ZNF311: variants seen among roughly 807,000 people sequenced by gnomAD.
ZNF311 encodes the protein zinc finger protein 311.
Under a neutral mutation model 22.7 loss-of-function variants are expected in ZNF311, and 14 were observed. The ratio of observed to expected loss-of-function variants is 0.62; its 90% confidence interval spans 0.41 to 0.96. The LOEUF (loss-of-function observed/expected upper bound fraction) is 0.96. ZNF311 is among the 40% of genes least tolerant of loss of function. ZNF311 has a pLI of 0.00. For synonymous variants in ZNF311, 250 were observed against 275.3 expected (o/e 0.91, Z 0.91); for missense variants, 731 against 799.0 (o/e 0.91, Z 1.03).
In ZNF311 at chr6:28,995,579, C is replaced by G. The variant is rs1779388030; in HGVS notation, c.1423G>C (p.Glu475Gln). ...HTEEKRYRCEECGKAFRHNCK... is the reference protein window; with the variant it reads ...HTEEKRYRCEQCGKAFRHNCK... ...TTATGACGAAAGGCTTTCCCACACT[C>G]CTCACACCTGTAACGTTTCTCTTCA... The change falls in exon 7 of 7, where the codon GAG becomes CAG. Residue 475 changes from glutamate to glutamine, a missense_variant. Glu to Gln is a conservative substitution (Grantham distance 29). Transcript: ENST00000377179. This position sits in a 1 kb window ranked among gnomAD's most constrained non-coding sequence, Gnocchi z 4.7. The G allele has an allele frequency of 6.2e-7, 1 of 1,613,748 alleles. No homozygotes were observed. Among genetic ancestry groups the G allele is most frequent in the African/African-American group, 1.3e-5 (1 of 75,052 alleles).
intron 3 of ZNF311, among the ~76,000 whole-genome samples, chr6:29,003,121 A>G (rs1404196188): frequency 6.6e-6 from 1 of 152,246 alleles, no homozygotes; most frequent in Non-Finnish European, 1.5e-5. Context: ...TTCAAATTTT[A>G]CATGTTGGCA....
rs1780749285 is a variant in ZNF311 at position 29,003,552 on chromosome 6, G to A, written c.52C>T (p.Leu18Phe). The change falls in exon 3 of 7, where the codon CTT becomes TTT. Residue 18 changes from leucine to phenylalanine, a missense_variant. Leu to Phe is a conservative substitution (Grantham distance 22, BLOSUM62 0). Transcript: ENST00000377179. The stretch of plus-strand genomic sequence containing the variant: ...AGCTGGGTATCCTGGCGGGTCCAAA[G>A]CAGCTGGCTTGGTGGTCCTGAACTC... ...DESSGPPSQL[L>F]WTRQDTQLPQ... The A allele has an allele frequency of 6.8e-6, 11 of 1,613,016 alleles. No homozygotes were observed. Among genetic ancestry groups the A allele is most frequent in the Non-Finnish European group, 9.3e-6 (11 of 1,180,014 alleles).
chr6:29,000,147 C>G, intron 3 of ZNF311, 100 bp from the exon 4 acceptor site: 1 of 1,131,378 alleles, frequency 8.8e-7, no homozygotes, highest in South Asian at 1.3e-5. Context: ...TTCTGCAGCT[C>G]TAACCTAGGG....
chr6:28,999,847 G>A, intron 4 of ZNF311, 109 bp downstream of exon 4: 1 of 1,301,070 alleles, frequency 7.7e-7, no homozygotes, highest in Admixed American at 2.1e-5. Context: ...CTTATGAGAG[G>A]GAGAACATTG....
rs142308737 is a variant in ZNF311 at position 28,998,940 on chromosome 6, A to C, written c.311-102T>G. The C allele has an allele frequency of 1.6e-4, 115 of 720,672 alleles. No homozygotes were observed. In the African/African-American group the frequency reaches 1.9e-3, roughly 12 times the overall value. The allele number at this position is 720,672 out of a possible 1,614,324, so 44.6% of individuals were successfully genotyped here. A position where few individuals can be genotyped will look rare whatever the true frequency, so the allele number is the denominator to read the frequency against. ...CCTTCTGTTTGTATATGAAAACAGG[A>C]AAGAAATGTTAATTTAGATAGAGAA... On this transcript the variant is annotated intron_variant, in intron 5 of 6. Transcript: ENST00000377179.
In ZNF311 at chr6:28,994,938, A is replaced by G; in HGVS notation, c.*63T>C. Reference sequence around the variant, plus strand: ...TCAGGAAATCAGGAATAACTAATATAAGAGACAGAAGGACCAGCCTAAGAG... The same window carrying G: ...TCAGGAAATCAGGAATAACTAATATGAGAGACAGAAGGACCAGCCTAAGAG... On this transcript the variant is annotated 3_prime_UTR_variant, in exon 7 of 7. Coordinates refer to ENST00000377179, the MANE Select transcript of ZNF311 (RefSeq NM_001382360.1). 1.4e-6 allele frequency: 2 copies of G among 1,467,296 alleles called. No individual in the cohort carries two copies. The allele number at this position is 1,467,296 out of a possible 1,614,324, so 90.9% of individuals were successfully genotyped here. A position where few individuals can be genotyped will look rare whatever the true frequency, so the allele number is the denominator to read the frequency against.
Position 28,995,840 on chromosome 6 carries a change from C to G in ZNF311, c.1162G>C (p.Glu388Gln), listed in dbSNP as rs1182957066. The G allele has an allele frequency of 1.9e-6, 3 of 1,613,174 alleles. No homozygotes were observed. In the South Asian group the frequency reaches 3.3e-5, roughly 18 times the overall value. The stretch of plus-strand genomic sequence containing the variant: ...AAGGCCTTCCCGCACTCCTCACATT[C>G]ATATGGCTTCTCCCCAGTGTGGATT... ...GRIHTGEKPY[E>Q]CEECGKAFSG... The change falls in exon 7 of 7, where the codon GAA (glutamate) becomes CAA (glutamine). Residue 388 changes from glutamate (E) to glutamine (Q), a missense_variant. Coordinates refer to ENST00000377179, the MANE Select transcript of ZNF311 (RefSeq NM_001382360.1). This position sits in a 1 kb window ranked among gnomAD's most constrained non-coding sequence, Gnocchi z 4.7.
chr6:28,995,290 C>G lies in ZNF311; in HGVS notation c.1712G>C (p.Arg571Thr). 6.2e-7 allele frequency: 1 copy of G among 1,613,870 alleles called. No individual in the cohort carries two copies. The highest frequency in any genetic ancestry group is 1.3e-5 in the African/African-American group (1 of 74,994). The change falls in exon 7 of 7, where the codon AGG (arginine) becomes ACG (threonine). Residue 571 changes from arginine to threonine, a missense_variant. Arg to Thr is a moderately conservative substitution (Grantham distance 71). Transcript: ENST00000377179. This position sits in a 1 kb window ranked among gnomAD's most constrained non-coding sequence, Gnocchi z 4.7. ...GMAFHHSSVL[R>T]QHKRIHTGEK... ...ACCAGTGTGGATTCTTTTGTGCTGCCTCAGGACTGAACTATGATGGAAGGC... is the reference window on the plus strand; with the variant it reads ...ACCAGTGTGGATTCTTTTGTGCTGCGTCAGGACTGAACTATGATGGAAGGC...
upstream of ZNF311, chr6:29,005,385 A>G (rs896220181): frequency 4.0e-5 from 6 of 150,906 alleles, no homozygotes; most frequent in African/African-American, 1.5e-4. Flanking sequence ...GGAAATGCTC[A>G]TTTTGGGGAA....
intron 6 of ZNF311, among the ~76,000 whole-genome samples, chr6:28,997,017 G>A (rs761642561): frequency 6.6e-6 from 1 of 152,220 alleles, no homozygotes; most frequent in Non-Finnish European, 1.5e-5. Flanking sequence ...GCCCTGGAGA[G>A]CCATATTTCT....
Position 28,995,177 on chromosome 6 carries a change from T to TCTCC in ZNF311, c.1821_1824dup (p.Lys609GlyfsTer5), listed in dbSNP as rs765667768. ...CCACATTCCTCACATTCATAAGGTT[T>TCTCC]CTCCCCAGTATGAACTCGCTTATGT... On this transcript the variant is annotated frameshift_variant, in exon 7 of 7. Transcript: ENST00000377179. LOFTEE classifies it low-confidence loss of function (END_TRUNC). The surrounding 1 kb of genome is among the most constrained non-coding windows in gnomAD (Gnocchi z 4.7). 4 of 1,613,942 alleles carry TCTCC rather than the reference T, an allele frequency of 2.5e-6. No individual in the cohort carries two copies. In the South Asian group the frequency reaches 4.4e-5, roughly 18 times the overall value.
intron 6 of ZNF311, 27 bp downstream of exon 6, chr6:28,998,707 G>A (rs775916524): frequency 1.8e-5 from 26 of 1,482,352 alleles, no homozygotes; most frequent in South Asian, 9.3e-5. Flanking sequence ...AAGATCAGAG[G>A]GAACTGAAAG....
Position 28,995,173 on chromosome 6 carries a change from G to A in ZNF311, c.1829C>T (p.Pro610Leu). 2 of 1,614,076 alleles carry A rather than the reference G, an allele frequency of 1.2e-6. No homozygotes were observed. Among genetic ancestry groups the A allele is most frequent in the Non-Finnish European group, 1.7e-6 (2 of 1,180,028 alleles). ...GHKRVHTGEK[P>L]YECEECGKAF... ...TTTTCCACATTCCTCACATTCATAAGGTTTCTCCCCAGTATGAACTCGCTT... is the reference window on the plus strand; with the variant it reads ...TTTTCCACATTCCTCACATTCATAAAGTTTCTCCCCAGTATGAACTCGCTT... The change falls in exon 7 of 7, where the codon CCT becomes CTT. Residue 610 changes from proline (P) to leucine (L), a missense_variant. By Grantham distance (98) the Pro-to-Leu change is moderately conservative (BLOSUM62 -3). Coordinates refer to ENST00000377179, the MANE Select transcript of ZNF311 (RefSeq NM_001382360.1). The surrounding 1 kb of genome is among the most constrained non-coding windows in gnomAD (Gnocchi z 4.7).
intron 2 of ZNF311, 169 bp downstream of exon 2, chr6:29,003,777 C>A: frequency 6.7e-7 from 1 of 1,495,194 alleles, no homozygotes; most frequent in Admixed American, 1.9e-5. Context: ...TCTACAACTA[C>A]AAAGCTTTAA....
chr6:28,994,790 C>T lies in ZNF311; in HGVS notation c.*211G>A, dbSNP rs1205759123. On this transcript the variant is annotated 3_prime_UTR_variant, in exon 7 of 7. Transcript: ENST00000377179. ...AACAGTGCCTAGAACACAGCAAGCA[C>T]TAATAAGTGTTTATTAATATTAGGA... 13 of 581,506 alleles carry T rather than the reference C, an allele frequency of 2.2e-5. No individual in the cohort carries two copies. In the East Asian group the frequency reaches 2.8e-4, roughly 13 times the overall value. 36.0% of individuals were successfully genotyped at this position (581,506 alleles called of 1,614,324 possible). A position where few individuals can be genotyped will look rare whatever the true frequency, so the allele number is the denominator to read the frequency against.
At chr6:29,003,428 C>T in intron 3 of ZNF311, 85 bp downstream of exon 3, 1 of 1,269,732 alleles carries the variant, frequency 7.9e-7, no homozygotes, top group Non-Finnish European at 1.2e-6. Context: ...TTTTTGGGCC[C>T]CAGTGTGGCA....
At chr6:28,999,688 T>A in intron 4 of ZNF311, 75 bp from the exon 5 acceptor site, 1 of 1,541,010 alleles carries the variant, frequency 6.5e-7, no homozygotes. Flanking sequence ...AAGAAAGGAA[T>A]TTGCAAGGAG....
At chr6:29,005,489 G>A (rs2150743290), upstream of ZNF311, among the ~76,000 whole-genome samples, 1 of 152,130 alleles carries the variant, frequency 6.6e-6, no homozygotes. Flanking sequence ...CGGGTATTTA[G>A]GTGAGGGGGG....
Position 28,995,987 on chromosome 6 carries a change from C to T in ZNF311, c.1015G>A (p.Ala339Thr). 2 of 1,613,684 alleles carry T rather than the reference C, an allele frequency of 1.2e-6. No individual in the cohort carries two copies. The highest frequency in any genetic ancestry group is 8.5e-7 in the Non-Finnish European group (1 of 1,180,026). The change falls in exon 7 of 7, where the codon GCC becomes ACC. Residue 339 changes from alanine (A) to threonine (T), a missense_variant. Coordinates refer to ENST00000377179, the MANE Select transcript of ZNF311 (RefSeq NM_001382360.1). The surrounding 1 kb of genome is among the most constrained non-coding windows in gnomAD (Gnocchi z 4.7). ...CAGAGACGGTTCCTGGTCTTGAAGG[C>T]CTTCCCACAGTCCCTGCACTCGTGA... is the stretch of plus-strand genomic sequence containing the variant. Reference protein sequence around the residue: ...KPHECRDCGKAFKTRNRLCMH... With the variant: ...KPHECRDCGKTFKTRNRLCMH...
Sources: gnomAD v4.1 joint callset for allele counts (sites outside exome capture counted in the v4.1 genomes callset) on GRCh38, gnomAD v4.1.1 for gene constraint, Gnocchi (gnomAD v3.1) non-coding constraint, MANE v1.5 for transcripts, NCBI Gene and HGNC (gene_info 2026-07-23, HGNC 2026-07-21) for gene names.